PIP5K1B: variants seen among roughly 807,000 people sequenced by gnomAD.
PIP5K1B encodes phosphatidylinositol 4-phosphate 5-kinase type-1 beta.
Under a neutral mutation model 67.0 loss-of-function variants are expected in PIP5K1B, and 42 were observed. That is an observed-to-expected ratio of 0.63 (90% CI 0.49 to 0.81). The LOEUF (loss-of-function observed/expected upper bound fraction) is 0.81. Ranked by LOEUF, PIP5K1B falls within the 30% of genes least tolerant of loss-of-function variation. PIP5K1B has a pLI of 0.00. For synonymous variants in PIP5K1B, 214 were observed against 231.4 expected (o/e 0.92, Z 0.68); for missense variants, 459 against 646.3 (o/e 0.71, Z 3.14).
intron 14 of PIP5K1B, among the ~76,000 whole-genome samples, chr9:68,949,337 C>T (rs1268670671): frequency 6.6e-6 from 1 of 152,154 alleles, no homozygotes; most frequent in African/African-American, 2.4e-5. Flanking sequence ...AGAAATGGAG[C>T]CCTGAAGTCT....
intron 4 of PIP5K1B, among the ~76,000 whole-genome samples, chr9:68,853,433 A>T (rs1203835646): frequency 6.6e-6 from 1 of 152,176 alleles, no homozygotes; most frequent in East Asian, 1.9e-4. Context: ...GGCTTGGGAG[A>T]GGGTCTGCCC....
chr9:68,803,803 A>G (rs908202868), intron 2 of PIP5K1B, among the ~76,000 whole-genome samples: 5 of 152,240 alleles, frequency 3.3e-5, no homozygotes, highest in African/African-American at 1.2e-4. Context: ...TATTTGGGGT[A>G]GGCAAATGAC....
At chr9:68,761,218 A>G (rs1051412762) in intron 2 of PIP5K1B, among the ~76,000 whole-genome samples, 5 of 152,104 alleles carry the variant, frequency 3.3e-5, no homozygotes, top group African/African-American at 9.7e-5. Context: ...AATGGAATGA[A>G]TCTTGCATGC....
chr9:68,991,805 A>G (rs1293694178), intron 15 of PIP5K1B, among the ~76,000 whole-genome samples: 1 of 152,202 alleles, frequency 6.6e-6, no homozygotes, highest in African/African-American at 2.4e-5. Context: ...TTTGAGGATC[A>G]TGAGTGACCC....
At chr9:68,919,071 T>G (rs1826240883) in intron 9 of PIP5K1B, among the ~76,000 whole-genome samples, 1 of 152,226 alleles carries the variant, frequency 6.6e-6, no homozygotes, top group Admixed American at 6.5e-5. Flanking sequence ...TTTCTGTATT[T>G]TATTTTTAAA....
At chr9:69,007,329 C>T (rs1315314146) in intron 15 of PIP5K1B, among the ~76,000 whole-genome samples, 1 of 152,062 alleles carries the variant, frequency 6.6e-6, no homozygotes, top group Non-Finnish European at 1.5e-5. Flanking sequence ...TCTCTGTGAC[C>T]CCCAGCTCCA....
chr9:68,758,457 G>A (rs1587398936), intron 2 of PIP5K1B, among the ~76,000 whole-genome samples: 1 of 152,090 alleles, frequency 6.6e-6, no homozygotes, highest in South Asian at 2.1e-4. Flanking sequence ...CAAAAATGCA[G>A]TAACCACAAT....
chr9:68,723,179 TGAGAGAGAGAGA>T (rs754438778), intron 1 of PIP5K1B, among the ~76,000 whole-genome samples: 1 of 116,826 alleles, frequency 8.6e-6, no homozygotes, highest in Admixed American at 9.0e-5. Flanking sequence ...TGTGTGTGTG[TGAGAGAGAGAGA>T]GAGAGAGGGA....
intron 4 of PIP5K1B, among the ~76,000 whole-genome samples, chr9:68,845,723 G>A (rs1822154831): frequency 6.6e-6 from 1 of 152,204 alleles, no homozygotes; most frequent in African/African-American, 2.4e-5. Context: ...AAGAGAAAGT[G>A]TGTAGGGGGG....
At chr9:68,793,633 G>A (rs770451405) in intron 2 of PIP5K1B, among the ~76,000 whole-genome samples, 138 of 152,252 alleles carry the variant, frequency 9.1e-4, no homozygotes, top group Non-Finnish European at 1.4e-3. Flanking sequence ...ATCTATGGGT[G>A]GAGTAGGATA....
intron 15 of PIP5K1B, among the ~76,000 whole-genome samples, chr9:68,993,060 G>C (rs1239472195): frequency 6.6e-6 from 1 of 151,882 alleles, no homozygotes; most frequent in Non-Finnish European, 1.5e-5. Flanking sequence ...TACTCGGAAG[G>C]CTGGGGCAGG....
chr9:68,885,398 C>T (rs763857550), intron 6 of PIP5K1B, among the ~76,000 whole-genome samples: 5 of 151,984 alleles, frequency 3.3e-5, no homozygotes, highest in Non-Finnish European at 7.4e-5. Context: ...CATTGTACAG[C>T]GAGGTGAACA....
chr9:68,731,275 A>G (rs888050150), intron 1 of PIP5K1B, among the ~76,000 whole-genome samples: 5 of 152,230 alleles, frequency 3.3e-5, no homozygotes, highest in South Asian at 2.1e-4. Flanking sequence ...TAGGACGTAT[A>G]TATTTTGTGG....
At chr9:68,754,754 C>T (rs1314975583) in intron 2 of PIP5K1B, among the ~76,000 whole-genome samples, 1 of 152,102 alleles carries the variant, frequency 6.6e-6, no homozygotes, top group Non-Finnish European at 1.5e-5. Flanking sequence ...GCTAATACTT[C>T]TAGAAAGATA....
chr9:68,906,924 T>C (rs983731390), intron 8 of PIP5K1B, among the ~76,000 whole-genome samples: 4 of 152,216 alleles, frequency 2.6e-5, no homozygotes, highest in African/African-American at 9.7e-5. Context: ...CTTTTTTTTC[T>C]AGTTTGTTAG....
chr9:68,993,431 C>T (rs1019984960), intron 15 of PIP5K1B, among the ~76,000 whole-genome samples: 4 of 152,112 alleles, frequency 2.6e-5, no homozygotes, highest in African/African-American at 7.2e-5. Flanking sequence ...CTTTTCTTGA[C>T]CGCCCCCTAC....
chr9:68,988,950 C>T (rs1830230301), intron 14 of PIP5K1B, among the ~76,000 whole-genome samples: 3 of 151,790 alleles, frequency 2.0e-5, no homozygotes, highest in Admixed American at 2.0e-4. Flanking sequence ...CAAAAATTAG[C>T]GGGACGTGGT....
At chr9:68,887,051 T>C (rs1824514120) in intron 6 of PIP5K1B, among the ~76,000 whole-genome samples, 1 of 152,202 alleles carries the variant, frequency 6.6e-6, no homozygotes, top group Non-Finnish European at 1.5e-5. Context: ...TGCTGCCTGG[T>C]CTCAACCTCT....
chr9:68,854,227 C>T lies in PIP5K1B; in HGVS notation c.70-9610C>T, dbSNP rs557849972. ...CTCGCTACAACCTTTACCTCCTAGG[C>T]TCAAGCAATCCTCCTGCCTCAGCCT... On this transcript the variant is annotated intron_variant, in intron 4 of 15. Coordinates refer to ENST00000265382, the MANE Select transcript of PIP5K1B (RefSeq NM_003558.4). Among the ~76,000 whole-genome samples the T allele has an allele frequency of 6.0e-5, 9 of 150,494 alleles. No individual in the cohort carries two copies. The East Asian group carries it at 1.8e-3, about 30-fold the overall frequency.
Sources: gnomAD v4.1 joint callset for allele counts (sites outside exome capture counted in the v4.1 genomes callset) on GRCh38, gnomAD v4.1.1 for gene constraint, MANE v1.5 for transcripts, NCBI Gene and HGNC (gene_info 2026-07-23, HGNC 2026-07-21) for gene names.